Variants in NT5DC1 observed in about 807,000 individuals in gnomAD.
NT5DC1 encodes 5'-nucleotidase domain containing 1.
NT5DC1 carries 42 observed loss-of-function variants against 59.4 expected under a neutral mutation model. The ratio of observed to expected loss-of-function variants is 0.71; its 90% confidence interval spans 0.55 to 0.92. The LOEUF (loss-of-function observed/expected upper bound fraction) is 0.92. Among genes scored for constraint, NT5DC1 ranks in the 40% least tolerant of loss-of-function variants. The pLI is 0.00. For missense variants in NT5DC1, 501 were observed against 537.1 expected (o/e 0.93, Z 0.66); for synonymous variants, 172 against 188.1 (o/e 0.91, Z 0.70).
intron 6 of NT5DC1, among the ~76,000 whole-genome samples, chr6:116,204,790 A>T (rs866623988): frequency 6.6e-6 from 1 of 151,972 alleles, no homozygotes; most frequent in African/African-American, 2.4e-5. Flanking sequence ...GAGAGAAAAA[A>T]CTTTGTCCAT....
chr6:116,151,376 G>T (rs1780033089), intron 6 of NT5DC1, among the ~76,000 whole-genome samples: 1 of 152,116 alleles, frequency 6.6e-6, no homozygotes, highest in Non-Finnish European at 1.5e-5. Context: ...CAGGAAGAAA[G>T]ATTCTTTATG....
At chr6:116,202,429 A>G (rs771284182) in intron 6 of NT5DC1, among the ~76,000 whole-genome samples, 2 of 151,992 alleles carry the variant, frequency 1.3e-5, no homozygotes, top group Non-Finnish European at 2.9e-5. Flanking sequence ...ACTCTTTTTT[A>G]GGGGAAACGA....
At chr6:116,144,191 ATTC>A (rs1373953881) in intron 6 of NT5DC1, among the ~76,000 whole-genome samples, 1 of 152,138 alleles carries the variant, frequency 6.6e-6, no homozygotes, top group Non-Finnish European at 1.5e-5. Flanking sequence ...AAACAAACAT[ATTC>A]TTCTTACAAC....
intron 7 of NT5DC1, 126 bp from the exon 8 acceptor site, chr6:116,222,908 C>T: frequency 1.7e-6 from 1 of 593,198 alleles, no homozygotes; most frequent in Non-Finnish European, 3.0e-6. Context: ...AAATATAAAG[C>T]ATGTAAAAGT....
At chr6:116,175,955 CTTGT>C (rs531255358) in intron 6 of NT5DC1, among the ~76,000 whole-genome samples, 83 of 152,070 alleles carry the variant, frequency 5.5e-4, no homozygotes, top group African/African-American at 1.9e-3. Flanking sequence ...TTGGGGGCTT[CTTGT>C]TTGTTTGTTT....
intron 6 of NT5DC1, among the ~76,000 whole-genome samples, chr6:116,136,398 C>G (rs951706384): frequency 6.6e-6 from 1 of 151,954 alleles, no homozygotes; most frequent in Admixed American, 6.6e-5. Flanking sequence ...GCTTTATAAT[C>G]ATGATTCTTC....
chr6:116,181,991 C>T (rs1457529133), intron 6 of NT5DC1, among the ~76,000 whole-genome samples: 2 of 152,006 alleles, frequency 1.3e-5, no homozygotes, highest in African/African-American at 4.8e-5. Flanking sequence ...GTACACTATA[C>T]CCAGTGTATA....
intron 6 of NT5DC1, among the ~76,000 whole-genome samples, chr6:116,125,167 T>C (rs556358438): frequency 2.2e-4 from 34 of 152,252 alleles, no homozygotes; most frequent in African/African-American, 7.2e-4. Context: ...ACTACACTTA[T>C]TGGATATTCT....
intron 6 of NT5DC1, among the ~76,000 whole-genome samples, chr6:116,157,871 C>T (rs750320932): frequency 6.6e-6 from 1 of 152,132 alleles, no homozygotes; most frequent in Non-Finnish European, 1.5e-5. Context: ...TTGTATTGTA[C>T]GTCTTTTAGG....
chr6:116,107,424 C>T (rs1405582070), intron 2 of NT5DC1, among the ~76,000 whole-genome samples: 1 of 151,002 alleles, frequency 6.6e-6, no homozygotes, highest in African/African-American at 2.4e-5. Context: ...GCCATTATAC[C>T]ACTTTGCTTT....
chr6:116,171,472 A>G (rs113317744), intron 6 of NT5DC1, among the ~76,000 whole-genome samples: 42 of 152,346 alleles, frequency 2.8e-4, no homozygotes, highest in African/African-American at 1.0e-3. Context: ...GATGATTATT[A>G]TCATCGTAAT....
At chr6:116,103,363 G>A (rs995387244) in intron 1 of NT5DC1, among the ~76,000 whole-genome samples, 5 of 151,820 alleles carry the variant, frequency 3.3e-5, no homozygotes, top group African/African-American at 1.2e-4. Context: ...ACTGTTAAGA[G>A]AGCATCAAGC....
intron 6 of NT5DC1, chr6:116,119,483 G>A (rs1443596373): frequency 6.5e-6 from 1 of 152,682 alleles, no homozygotes; most frequent in Non-Finnish European, 1.5e-5. Context: ...GCTTTAACAA[G>A]TATATATGCA....
At chr6:116,121,339 C>T in intron 6 of NT5DC1, 6 of 1,614,068 alleles carry the variant, frequency 3.7e-6, no homozygotes, top group Non-Finnish European at 5.1e-6. Flanking sequence ...TGCCTTCTGG[C>T]CCTCGTTCCC....
At chr6:116,208,200 C>T (rs141994748) in intron 6 of NT5DC1, among the ~76,000 whole-genome samples, 1 of 152,026 alleles carries the variant, frequency 6.6e-6, no homozygotes, top group East Asian at 1.9e-4. Context: ...TAACTTTTTT[C>T]AAAGGAATAA....
intron 6 of NT5DC1, among the ~76,000 whole-genome samples, chr6:116,193,441 T>G (rs976970382): frequency 6.6e-6 from 1 of 152,108 alleles, no homozygotes; most frequent in African/African-American, 2.4e-5. Flanking sequence ...AATCTGGAAC[T>G]TGCAACTTGC....
chr6:116,137,101 G>C (rs1779627048), intron 6 of NT5DC1: 1 of 216,548 alleles, frequency 4.6e-6, no homozygotes, highest in African/African-American at 2.3e-5. Context: ...ACCAGTGTTT[G>C]CTTGATGAAA....
intron 6 of NT5DC1, among the ~76,000 whole-genome samples, chr6:116,189,501 T>C (rs2114489162): frequency 6.6e-6 from 1 of 152,152 alleles, no homozygotes; most frequent in Non-Finnish European, 1.5e-5. Context: ...AGAACCTTTT[T>C]ATATTTAGGA....
At chr6:116,122,818 AT>A (rs953621650) in intron 6 of NT5DC1, among the ~76,000 whole-genome samples, 4 of 151,624 alleles carry the variant, frequency 2.6e-5, no homozygotes, top group Non-Finnish European at 4.4e-5. Context: ...TCAGATTTAG[AT>A]TTTTTTTTAC....
Sources: gnomAD v4.1 joint callset for allele counts (sites outside exome capture counted in the v4.1 genomes callset) on GRCh38, gnomAD v4.1.1 for gene constraint, MANE v1.5 for transcripts, NCBI Gene and HGNC (gene_info 2026-07-23, HGNC 2026-07-21) for gene names.